ABCC4: variants seen among roughly 807,000 people sequenced by gnomAD.
The protein encoded by ABCC4 is ATP binding cassette subfamily C member 4 (PEL blood group), also known as ATP-binding cassette sub-family C member 4.
A neutral mutation model predicts 168.5 loss-of-function variants in ABCC4; 102 were observed. That is an observed-to-expected ratio of 0.61 (90% confidence interval 0.52 to 0.71). ABCC4 has a LOEUF of 0.71. ABCC4 is among the 30% of genes least tolerant of loss of function. The pLI is 0.00. For missense variants in ABCC4, 1,402 were observed against 1,605.8 expected (o/e 0.87, Z 2.17); for synonymous variants, 617 against 590.7 (o/e 1.04, Z -0.65).
rs112272878 is a variant in ABCC4, at chr13:95,049,344, T to A, written c.3456+3751A>T. Among the ~76,000 whole-genome samples the A allele has an allele frequency of 5.8e-4, 82 of 141,432 alleles. 1 individual carries two copies. The highest frequency in any genetic ancestry group is 2.0e-3 in the African/African-American group (76 of 37,660). 92.8% of individuals were successfully genotyped at this position (141,432 alleles called of 152,430 possible). On this transcript the variant is annotated intron_variant, in intron 27 of 30. Transcript: ENST00000645237. Reference sequence around the variant, plus strand: ...GCAAGACTCTGTCTAAAAAAATAAATAAATAAATAAAAATAGGCCAGGCGC... The same window carrying A: ...GCAAGACTCTGTCTAAAAAAATAAAAAAATAAATAAAAATAGGCCAGGCGC...
chr13:95,135,171 C>T (rs1045083177), intron 19 of ABCC4, among the ~76,000 whole-genome samples: 2 of 152,154 alleles, frequency 1.3e-5, no homozygotes, highest in South Asian at 4.1e-4. Flanking sequence ...ATTTCATCTA[C>T]CATTTAGCTA....
intron 19 of ABCC4, among the ~76,000 whole-genome samples, chr13:95,117,255 TAAAA>T (rs5805902): frequency 2.2e-5 from 3 of 135,988 alleles, no homozygotes; most frequent in Non-Finnish European, 3.2e-5. Context: ...TCATGCCTGT[TAAAA>T]AAAAAAAAAA....
intron 1 of ABCC4, among the ~76,000 whole-genome samples, chr13:95,272,861 C>A (rs770067417): frequency 6.6e-6 from 1 of 152,138 alleles, no homozygotes; most frequent in Non-Finnish European, 1.5e-5. Flanking sequence ...GCACTCCAGC[C>A]TGGGTGACAG....
chr13:95,188,128 T>C (rs1049422456), intron 10 of ABCC4, among the ~76,000 whole-genome samples: 7 of 151,686 alleles, frequency 4.6e-5, no homozygotes, highest in African/African-American at 1.5e-4. Flanking sequence ...GCATCTAGGG[T>C]CCCCTCTGAC....
At chr13:95,198,186 G>C (rs1386936422) in intron 8 of ABCC4, among the ~76,000 whole-genome samples, 2 of 151,614 alleles carry the variant, frequency 1.3e-5, no homozygotes, top group Non-Finnish European at 2.9e-5. Context: ...CTACAGAATG[G>C]AAGAAAATTT....
At chr13:95,204,127 C>T (rs1397682426) in intron 8 of ABCC4, among the ~76,000 whole-genome samples, 1 of 152,164 alleles carries the variant, frequency 6.6e-6, no homozygotes, top group African/African-American at 2.4e-5. Context: ...ACACCCCAGC[C>T]ACACAGAGCA....
chr13:95,176,228 G>GCT (rs2037688377), intron 13 of ABCC4, among the ~76,000 whole-genome samples: 1 of 42,022 alleles, frequency 2.4e-5, no homozygotes, highest in African/African-American at 1.9e-4. Context: ...GAGGGCAGGG[G>GCT]GGGGGGGGGG....
Position 95,248,593 on chromosome 13 carries a change from C to G in ABCC4, c.75-840G>C, listed in dbSNP as rs922011306. On this transcript the variant is annotated intron_variant, in intron 1 of 30. Transcript: ENST00000645237. Reference sequence around the variant, plus strand: ...TTAATCATTAAATGATAATAATTAACATCATTAATCATTAAATGATAATAA... The same window carrying G: ...TTAATCATTAAATGATAATAATTAAGATCATTAATCATTAAATGATAATAA... 2.0e-5 allele frequency among the ~76,000 whole-genome samples: 3 copies of G among 151,890 alleles called. No homozygotes were observed. In the South Asian group the frequency reaches 6.2e-4, roughly 31 times the overall value.
chr13:95,288,023 C>A (rs536271886), intron 1 of ABCC4, among the ~76,000 whole-genome samples: 2 of 151,968 alleles, frequency 1.3e-5, no homozygotes, highest in African/African-American at 4.8e-5. Context: ...GCCTGGGCAA[C>A]GGAGTGAGAC....
chr13:95,175,658 G>T (rs2037652698), intron 13 of ABCC4, among the ~76,000 whole-genome samples: 1 of 152,176 alleles, frequency 6.6e-6, no homozygotes, highest in Admixed American at 6.6e-5. Context: ...CCATGAGGGT[G>T]GGCCCTACTC....
chr13:95,200,374 T>C (rs1566519732), intron 8 of ABCC4, among the ~76,000 whole-genome samples: 1 of 152,130 alleles, frequency 6.6e-6, no homozygotes, highest in Non-Finnish European at 1.5e-5. Context: ...ATCACACAAC[T>C]AGGGCAAGGT....
At chr13:95,252,946 G>C (rs974210864) in intron 1 of ABCC4, among the ~76,000 whole-genome samples, 3 of 152,238 alleles carry the variant, frequency 2.0e-5, no homozygotes, top group African/African-American at 7.2e-5. Context: ...TCTGGTGCCA[G>C]GAATTCAACA....
chr13:95,098,879 T>C (rs2034699961), intron 20 of ABCC4, among the ~76,000 whole-genome samples: 2 of 152,220 alleles, frequency 1.3e-5, no homozygotes, highest in African/African-American at 2.4e-5. Context: ...TCATACTAAA[T>C]GTTGGCGAGG....
At chr13:95,119,526 A>G (rs1433172547) in intron 19 of ABCC4, among the ~76,000 whole-genome samples, 1 of 152,228 alleles carries the variant, frequency 6.6e-6, no homozygotes, top group Non-Finnish European at 1.5e-5. Context: ...AACATAGAAT[A>G]TTATAAAAGG....
intron 1 of ABCC4, among the ~76,000 whole-genome samples, chr13:95,265,268 T>TGAAGGATATACAGGAGGATATACA (rs2040639037): frequency 6.6e-6 from 1 of 152,092 alleles, no homozygotes; most frequent in African/African-American, 2.4e-5. Context: ...GGAATCTGGA[T>TGAAGGATATACAGGAGGATATACA]GAAGGATATA....
At chr13:95,211,593 A>G (rs1160450271) in intron 4 of ABCC4, among the ~76,000 whole-genome samples, 2 of 152,002 alleles carry the variant, frequency 1.3e-5, no homozygotes, top group Admixed American at 6.6e-5. Flanking sequence ...CGGGGCTGAA[A>G]CAGGTGAAGC....
At chr13:95,233,093 GTTAT>G (rs1566552200) in intron 4 of ABCC4, among the ~76,000 whole-genome samples, 4 of 152,116 alleles carry the variant, frequency 2.6e-5, no homozygotes, top group Admixed American at 6.6e-5. Context: ...TCCCTAAACA[GTTAT>G]TTGTTTATAG....
chr13:95,250,690 G>T (rs2040230340), intron 1 of ABCC4, among the ~76,000 whole-genome samples: 1 of 151,506 alleles, frequency 6.6e-6, no homozygotes. Context: ...TTTATTGTTG[G>T]TGGTGGTGGC....
intron 19 of ABCC4, among the ~76,000 whole-genome samples, chr13:95,140,648 C>G (rs777790396): frequency 4.6e-5 from 7 of 152,156 alleles, no homozygotes. Context: ...ATCAGAAATT[C>G]TTTACTTGCA....
Sources: allele counts gnomAD v4.1 joint callset (sites outside exome capture counted in the v4.1 genomes callset), GRCh38; gene constraint gnomAD v4.1.1; transcripts MANE v1.5; gene names NCBI Gene and HGNC (gene_info 2026-07-23, HGNC 2026-07-21).